FTO: variants seen among roughly 807,000 people sequenced by gnomAD.
The protein encoded by FTO is alpha-ketoglutarate-dependent dioxygenase FTO.
A neutral mutation model predicts 63.9 loss-of-function variants in FTO; 47 were observed. The observed-to-expected ratio is 0.74, with a 90% CI of 0.58 to 0.94. The LOEUF is 0.94. Ranked by LOEUF, FTO falls within the 40% of genes least tolerant of loss-of-function variation. FTO has a pLI of 0.00. For missense variants in FTO, 562 were observed against 618.1 expected, an observed-to-expected ratio of 0.91 and a Z score of 0.96; for synonymous variants, 207 against 224.4, an observed-to-expected ratio of 0.92 and a Z score of 0.69.
intron 2 of FTO, among the ~76,000 whole-genome samples, chr16:53,824,430 G>T (rs551602790): frequency 1.3e-5 from 2 of 152,078 alleles, no homozygotes; most frequent in East Asian, 3.9e-4. Context: ...CTTAAATCCC[G>T]TCTCCTTAGA....
At chr16:53,995,493 T>G (rs2083913160) in intron 8 of FTO, among the ~76,000 whole-genome samples, 1 of 152,194 alleles carries the variant, frequency 6.6e-6, no homozygotes, top group Non-Finnish European at 1.5e-5. Flanking sequence ...GGCTGGCTAG[T>G]GAGAGACCCG....
intron 1 of FTO, among the ~76,000 whole-genome samples, chr16:53,725,746 G>A (rs565144224): frequency 1.3e-5 from 2 of 152,306 alleles, no homozygotes; most frequent in South Asian, 4.1e-4. Context: ...TGGGTGGGTG[G>A]TAGTGATCAG....
intron 8 of FTO, among the ~76,000 whole-genome samples, chr16:54,084,323 T>A (rs1252055919): frequency 1.3e-5 from 2 of 152,210 alleles, no homozygotes; most frequent in Non-Finnish European, 2.9e-5. Flanking sequence ...ACAGTCCTGT[T>A]CTAGTCTTTT....
At position 53,832,029 on chromosome 16, in the gene FTO, A is replaced by G. The variant is rs190273487; in HGVS notation, c.751+5538A>G. ...ACAGGAGAGCTCACAGAGGTGACCA[A>G]AGTAATCCAGACTAGGGATATGATG... is the stretch of plus-strand genomic sequence containing the variant. On this transcript the variant is annotated intron_variant, in intron 3 of 8. Transcript: ENST00000471389. Among the ~76,000 whole-genome samples, 264 of 152,306 alleles carry G rather than the reference A, an allele frequency of 1.7e-3. 1 individual carries two copies. Among genetic ancestry groups the G allele is most frequent in the African/African-American group, 6.0e-3 (248 of 41,560 alleles).
chr16:53,918,678 G>A (rs185315290), intron 7 of FTO, among the ~76,000 whole-genome samples: 2 of 152,252 alleles, frequency 1.3e-5, no homozygotes, highest in East Asian at 1.9e-4. Flanking sequence ...TCCACCCTGT[G>A]TATATGTTGT....
intron 8 of FTO, among the ~76,000 whole-genome samples, chr16:53,967,044 G>T (rs1426006641): frequency 6.6e-6 from 1 of 152,118 alleles, no homozygotes; most frequent in South Asian, 2.1e-4. Context: ...TGGATGAGTC[G>T]GTCTTTGATT....
chr16:53,730,412 T>G (rs541926598), intron 1 of FTO, among the ~76,000 whole-genome samples: 1 of 152,316 alleles, frequency 6.6e-6, no homozygotes, highest in African/African-American at 2.4e-5. Context: ...TTCATATTTT[T>G]TCTATCCATC....
At chr16:54,001,737 A>G (rs981230377) in intron 8 of FTO, among the ~76,000 whole-genome samples, 13 of 152,104 alleles carry the variant, frequency 8.5e-5, no homozygotes, top group Non-Finnish European at 5.9e-5. Flanking sequence ...TTGCTCTTCT[A>G]GTTGGTCTCT....
intron 8 of FTO, chr16:53,979,383 A>G (rs1302609650): frequency 2.5e-6 from 1 of 398,458 alleles, no homozygotes; most frequent in Non-Finnish European, 4.4e-6. Context: ...AGATGGACCA[A>G]TTTACAGATT....
chr16:54,099,145 G>A (rs1046535315), intron 8 of FTO, among the ~76,000 whole-genome samples: 6 of 152,286 alleles, frequency 3.9e-5, no homozygotes, highest in Middle Eastern at 3.4e-3. Context: ...GATACTACCC[G>A]GTGGGGATTT....
chr16:53,912,244 G>A (rs766127980), intron 7 of FTO, among the ~76,000 whole-genome samples: 3 of 152,148 alleles, frequency 2.0e-5, no homozygotes, highest in Non-Finnish European at 4.4e-5. Context: ...GCAACCTCCA[G>A]GAGTAATCTC....
chr16:53,708,154 A>C (rs2075672640), intron 1 of FTO, among the ~76,000 whole-genome samples: 1 of 152,120 alleles, frequency 6.6e-6, no homozygotes, highest in African/African-American at 2.4e-5. Flanking sequence ...AGGTCAGGAT[A>C]ACTTAGATCA....
At chr16:53,824,575 A>C (rs1320276395) in intron 2 of FTO, among the ~76,000 whole-genome samples, 1 of 152,064 alleles carries the variant, frequency 6.6e-6, no homozygotes. Context: ...CCTTGTTTCC[A>C]TCTGGTGGTA....
intron 6 of FTO, among the ~76,000 whole-genome samples, chr16:53,883,044 A>G (rs116560380): frequency 0.013 from 1,941 of 152,264 alleles, 38 homozygotes; most frequent in African/African-American, 0.044. Context: ...GAATACATTT[A>G]TGGGCCTGAT....
intron 1 of FTO, among the ~76,000 whole-genome samples, chr16:53,807,408 C>T (rs999551624): frequency 3.3e-5 from 5 of 152,238 alleles, no homozygotes; most frequent in East Asian, 1.9e-4. Context: ...TGCTCAGTTC[C>T]GAAATGAACT....
rs2080778887 is a variant in FTO, at chr16:53,880,003, T to C, written c.1119+16T>C. 1.2e-6 allele frequency: 2 copies of C among 1,606,364 alleles called. No homozygotes were observed. The highest frequency in any genetic ancestry group is 8.5e-7 in the Non-Finnish European group (1 of 1,174,446). On this transcript the variant is annotated intron_variant, in intron 6 of 8. Coordinates refer to ENST00000471389, the MANE Select transcript of FTO (RefSeq NM_001080432.3). ...TCATAATGAGGTAAGGACTTTCTTT[T>C]TTTTTTTTTGAGATGGAGTCTCGCT...
rs187221466 is a variant in FTO at position 53,797,782 on chromosome 16, A to G, written c.46-12358A>G. Among the ~76,000 whole-genome samples, 3 of 152,160 alleles carry G rather than the reference A, an allele frequency of 2.0e-5. No homozygotes were observed. The East Asian group carries it at 5.8e-4, about 29-fold the overall frequency. On this transcript the variant is annotated intron_variant, in intron 1 of 8. Coordinates refer to ENST00000471389, the MANE Select transcript of FTO (RefSeq NM_001080432.3). ...TGTTTTCATGAGAGCAGTGTATAAG[A>G]GTTCTAGTTTTGAGAGCAGATTTTC...
chr16:53,781,718 G>A (rs950004264), intron 1 of FTO, among the ~76,000 whole-genome samples: 4 of 152,202 alleles, frequency 2.6e-5, no homozygotes, highest in Non-Finnish European at 4.4e-5. Context: ...TAATAGGCTT[G>A]AATTTGCTTT....
At chr16:54,053,079 A>AC (rs1347904032) in intron 8 of FTO, among the ~76,000 whole-genome samples, 2 of 152,186 alleles carry the variant, frequency 1.3e-5, no homozygotes, top group Non-Finnish European at 1.5e-5. Context: ...GCCAAAGGTA[A>AC]CAACAGTATA....
Sources: gnomAD v4.1 joint callset for allele counts (sites outside exome capture counted in the v4.1 genomes callset) on GRCh38, gnomAD v4.1.1 for gene constraint, MANE v1.5 for transcripts, NCBI Gene and HGNC (gene_info 2026-07-23, HGNC 2026-07-21) for gene names.